The following VWA8 variants were observed in gnomAD, a reference collection of about 807,000 sequenced individuals.
VWA8 encodes the protein von Willebrand factor A domain-containing protein 8.
Under a neutral mutation model 241.5 loss-of-function variants are expected in VWA8, and 221 were observed. The ratio of observed to expected loss-of-function variants is 0.91; its 90% CI spans 0.82 to 1.02. The LOEUF (loss-of-function observed/expected upper bound fraction) is 1.02. Ranked by LOEUF, VWA8 falls within the 50% of genes least tolerant of loss-of-function variation. The probability of loss-of-function intolerance (pLI) is 0.00; values close to 1 mark genes in which losing one functional copy is unlikely to be tolerated. For missense variants in VWA8, 2,322 were observed against 2,328.7 expected (o/e 1.00, Z 0.06); for synonymous variants, 852 against 827.1 (o/e 1.03, Z -0.52).
At chr13:41,769,245 C>T (rs1486677587) in intron 20 of VWA8, among the ~76,000 whole-genome samples, 1 of 152,164 alleles carries the variant, frequency 6.6e-6, no homozygotes, top group Non-Finnish European at 1.5e-5. Flanking sequence ...AAGCTGAAAA[C>T]AGCATCAGAT....
intron 4 of VWA8, among the ~76,000 whole-genome samples, chr13:41,898,400 G>C (rs1258992181): frequency 1.3e-5 from 2 of 152,188 alleles, no homozygotes; most frequent in Non-Finnish European, 1.5e-5. Context: ...AGTGTCGATT[G>C]GTGCACTCAC....
chr13:41,863,037 G>A (rs912353326), intron 12 of VWA8, among the ~76,000 whole-genome samples: 1 of 152,106 alleles, frequency 6.6e-6, no homozygotes, highest in South Asian at 2.1e-4. Flanking sequence ...TATTGATCCT[G>A]GGTGTGTCTG....
intron 33 of VWA8, 54 bp from the exon 34 acceptor site, chr13:41,689,562 A>AT (rs1231862670): frequency 3.5e-6 from 5 of 1,430,574 alleles, no homozygotes; most frequent in Non-Finnish European, 4.6e-6. Flanking sequence ...CCAGGAATTA[A>AT]TTTTTTGCAA....
intron 2 of VWA8, among the ~76,000 whole-genome samples, chr13:41,944,034 G>A (rs1474766110): frequency 6.6e-6 from 1 of 151,850 alleles, no homozygotes; most frequent in East Asian, 1.9e-4. Flanking sequence ...GAACCTGGGA[G>A]GCAGAGGCTG....
chr13:41,806,913 AGTTAGTTTTTTGCAAAGATAAAATT>A (rs983719464), intron 17 of VWA8, among the ~76,000 whole-genome samples: 3 of 152,066 alleles, frequency 2.0e-5, no homozygotes, highest in Admixed American at 6.5e-5. Context: ...TGAAATGAAA[AGTTAGTTTTTTGCAAAGATAAAATT>A]GACAAACCTT....
At position 41,729,595 on chromosome 13, in the gene VWA8, G is replaced by A. The variant is rs142882625; in HGVS notation, c.2585C>T (p.Thr862Ile). The change falls in exon 23 of 45, where the codon ACT becomes ATT. Residue 862 changes from threonine to isoleucine, a missense_variant. Transcript: ENST00000379310. ...AATCATTTCTCCATTTTCTACTAGA[G>A]TTTTTAAAATACACGTGACATTTGT... ...APTNVTCILK[T>I]LVENGEMILA... The A allele has an allele frequency of 6.1e-5, 98 of 1,613,000 alleles. No individual in the cohort carries two copies. In the Middle Eastern group the frequency reaches 9.9e-4, roughly 16 times the overall value.
chr13:41,663,865 G>A (rs2044969006), intron 37 of VWA8, among the ~76,000 whole-genome samples: 1 of 151,236 alleles, frequency 6.6e-6, no homozygotes, highest in African/African-American at 2.4e-5. Flanking sequence ...CGTTAAGTCG[G>A]GGACTGTCTG....
chr13:41,816,058 G>C (rs1160960663), intron 16 of VWA8, among the ~76,000 whole-genome samples: 1 of 152,116 alleles, frequency 6.6e-6, no homozygotes, highest in African/African-American at 2.4e-5. Context: ...ATTTAAAATG[G>C]AAAGACAGTT....
At chr13:41,940,107 G>A (rs1877527172) in intron 2 of VWA8, among the ~76,000 whole-genome samples, 1 of 152,108 alleles carries the variant, frequency 6.6e-6, no homozygotes, top group Non-Finnish European at 1.5e-5. Context: ...CTGAAGTCAG[G>A]AAATCTGGGC....
chr13:41,728,851 T>A (rs1328017702), intron 23 of VWA8, among the ~76,000 whole-genome samples: 1 of 152,102 alleles, frequency 6.6e-6, no homozygotes, highest in Non-Finnish European at 1.5e-5. Flanking sequence ...TAGTTATTAG[T>A]CTCAACTTGT....
chr13:41,863,400 T>G, intron 12 of VWA8, among the ~76,000 whole-genome samples: 1 of 20,388 alleles, frequency 4.9e-5, no homozygotes, highest in Non-Finnish European at 1.0e-4. Flanking sequence ...CCTATTTGTG[T>G]GTGTGTGTGT....
At chr13:41,816,575 C>A in intron 16 of VWA8, 123 bp downstream of exon 16, 2 of 852,708 alleles carry the variant, frequency 2.3e-6, no homozygotes, top group Non-Finnish European at 1.8e-6. Flanking sequence ...AAAGGCATAG[C>A]ATAAGGGATT....
At position 41,570,573 on chromosome 13, in the gene VWA8, G is replaced by GAC; in HGVS notation, c.5502_5503dup (p.Ser1835CysfsTer21). 6.2e-7 allele frequency: 1 copy of GAC among 1,614,226 alleles called. No homozygotes were observed. Among genetic ancestry groups the GAC allele is most frequent in the East Asian group, 2.2e-5 (1 of 44,880 alleles). On this transcript the variant is annotated frameshift_variant, in exon 44 of 45. Transcript: ENST00000379310. LOFTEE classifies it high-confidence loss of function. ...CTTAGCAGGATGTATTCCATATCGT[G>GAC]ACAGATTTGCATCACTCAAGACTAT... is the stretch of plus-strand genomic sequence containing the variant.
At chr13:41,852,389 A>T (rs1230657348) in intron 12 of VWA8, among the ~76,000 whole-genome samples, 1 of 151,602 alleles carries the variant, frequency 6.6e-6, no homozygotes, top group African/African-American at 2.4e-5. Context: ...TTGTAGACTG[A>T]CTCTTCTCTG....
rs1421277164 is a variant in VWA8 at position 41,625,511 on chromosome 13, G to A, written c.4612-10427C>T. ...CATCATCACTGGCCGTCAGAGAAAC[G>A]CAAATCAAAACCACAATGAGATACC... On this transcript the variant is annotated intron_variant, in intron 37 of 44. Coordinates refer to ENST00000379310, the MANE Select transcript of VWA8 (RefSeq NM_015058.2). 3.3e-5 allele frequency among the ~76,000 whole-genome samples: 5 copies of A among 152,176 alleles called. No individual in the cohort carries two copies. The East Asian group carries it at 5.8e-4, about 18-fold the overall frequency.
At chr13:41,749,555 C>G (rs1005593616) in intron 21 of VWA8, among the ~76,000 whole-genome samples, 2 of 152,040 alleles carry the variant, frequency 1.3e-5, no homozygotes, top group Non-Finnish European at 2.9e-5. Context: ...CACATGCACA[C>G]GTATGTTTAC....
intron 38 of VWA8, among the ~76,000 whole-genome samples, chr13:41,614,492 A>ACGTACTT (rs1287913891): frequency 6.6e-6 from 1 of 152,188 alleles, no homozygotes; most frequent in Admixed American, 6.5e-5. Flanking sequence ...TGCATCCTCA[A>ACGTACTT]CGTACTTCGA....
In VWA8 at chr13:41,581,010, A is replaced by ATTTTT. The variant is rs1274814705; in HGVS notation, c.5272-5177_5272-5173dup. Among the ~76,000 whole-genome samples, 227 of 127,358 alleles carry ATTTTT rather than the reference A, an allele frequency of 1.8e-3. 59 individuals are homozygous for ATTTTT. Among genetic ancestry groups the ATTTTT allele is most frequent in the African/African-American group, 7.7e-3 (201 of 26,084 alleles). The allele number at this position is 127,358 out of a possible 152,430, so 83.6% of individuals were successfully genotyped here. On this transcript the variant is annotated intron_variant, in intron 42 of 44. Coordinates refer to ENST00000379310, the MANE Select transcript of VWA8 (RefSeq NM_015058.2). ...ATTTTATTTTATTTTATTTTATTTT[A>ATTTTT]TTTTTTTTTGAGACGGAGTCTCGCT... is the stretch of plus-strand genomic sequence containing the variant.
chr13:41,721,156 A>C (rs1206911801), intron 25 of VWA8, among the ~76,000 whole-genome samples: 1 of 152,196 alleles, frequency 6.6e-6, no homozygotes, highest in African/African-American at 2.4e-5. Flanking sequence ...CTTGGTAATG[A>C]TTACAGACTT....
Sources: gnomAD v4.1 joint callset for allele counts (sites outside exome capture counted in the v4.1 genomes callset) on GRCh38, gnomAD v4.1.1 for gene constraint, MANE v1.5 for transcripts, NCBI Gene and HGNC (gene_info 2026-07-23, HGNC 2026-07-21) for gene names.